Variants in GSG1L observed in about 807,000 individuals in gnomAD.
GSG1L encodes the protein germ cell-specific gene 1-like protein.
A neutral mutation model predicts 42.1 loss-of-function variants in GSG1L; 24 were observed. That is an observed-to-expected ratio of 0.57 (90% CI 0.41 to 0.80). The LOEUF (loss-of-function observed/expected upper bound fraction) is 0.80. Ranked by LOEUF, GSG1L falls within the 30% of genes least tolerant of loss-of-function variation. The pLI is 0.00. For synonymous variants in GSG1L, 215 were observed against 203.5 expected (o/e 1.06, Z -0.48); for missense variants, 445 against 472.2 (o/e 0.94, Z 0.53).
At chr16:27,941,769 A>G (rs1271023264) in intron 2 of GSG1L, among the ~76,000 whole-genome samples, 1 of 152,164 alleles carries the variant, frequency 6.6e-6, no homozygotes, top group Admixed American at 6.5e-5. Flanking sequence ...ATGGCATATT[A>G]GCCTTAGGAA....
In GSG1L at chr16:27,973,439, C is replaced by CAAA. The variant is rs71140935; in HGVS notation, c.350-10239_350-10237dup. Among the ~76,000 whole-genome samples, 126 of 29,848 alleles carry CAAA rather than the reference C, an allele frequency of 4.2e-3. 11 individuals are homozygous for CAAA. Among genetic ancestry groups the CAAA allele is most frequent in the African/African-American group, 7.8e-3 (64 of 8,222 alleles). 19.6% of individuals were successfully genotyped at this position (29,848 alleles called of 152,430 possible). A position where few individuals can be genotyped will look rare whatever the true frequency, so the allele number is the denominator to read the frequency against. ...AGCCTGGGCAATAAAGACCCCATCA[C>CAAA]AAAAAAAAAAAAAAAAAAAAAAAAA... On this transcript the variant is annotated intron_variant, in intron 1 of 6. Transcript: ENST00000447459.
intron 4 of GSG1L, among the ~76,000 whole-genome samples, chr16:27,833,228 C>A (rs558795490): frequency 6.6e-6 from 1 of 152,268 alleles, no homozygotes; most frequent in Non-Finnish European, 1.5e-5. Flanking sequence ...TCCCTGCCTG[C>A]CCCACCCCTG....
chr16:27,862,694 G>T (rs2083669026), intron 3 of GSG1L, among the ~76,000 whole-genome samples: 1 of 152,102 alleles, frequency 6.6e-6, no homozygotes, highest in Admixed American at 6.5e-5. Context: ...CCATGCATTT[G>T]GTCTTGACAC....
chr16:27,844,311 C>T (rs991366594), intron 4 of GSG1L, among the ~76,000 whole-genome samples: 1 of 152,288 alleles, frequency 6.6e-6, no homozygotes, highest in South Asian at 2.1e-4. Context: ...CTTTCATATG[C>T]AAACCCTGCT....
intron 1 of GSG1L, among the ~76,000 whole-genome samples, chr16:28,037,767 G>A (rs573730739): frequency 7.9e-5 from 12 of 152,276 alleles, no homozygotes; most frequent in Admixed American, 2.0e-4. Context: ...CTCACATGTT[G>A]CTGGACTCAC....
chr16:27,835,297 C>T (rs2083311630), intron 4 of GSG1L, among the ~76,000 whole-genome samples: 1 of 152,076 alleles, frequency 6.6e-6, no homozygotes, highest in Non-Finnish European at 1.5e-5. Context: ...TCTACTTTAT[C>T]TAATATTAAT....
At chr16:27,876,097 T>C (rs571688497) in intron 3 of GSG1L, among the ~76,000 whole-genome samples, 1 of 152,252 alleles carries the variant, frequency 6.6e-6, no homozygotes, top group African/African-American at 2.4e-5. Context: ...AATATGTAAA[T>C]ATTCATCTTT....
At chr16:28,046,116 T>C (rs1195070547) in intron 1 of GSG1L, among the ~76,000 whole-genome samples, 2 of 152,172 alleles carry the variant, frequency 1.3e-5, no homozygotes, top group Non-Finnish European at 2.9e-5. Flanking sequence ...ATATTAATAA[T>C]GTTGTCCATA....
At chr16:27,807,083 A>G (rs2082972535) in intron 6 of GSG1L, among the ~76,000 whole-genome samples, 1 of 152,280 alleles carries the variant, frequency 6.6e-6, no homozygotes, top group East Asian at 1.9e-4. Context: ...AAAGTGTTTG[A>G]AGTGAATGCA....
intron 2 of GSG1L, 45 bp downstream of exon 2, chr16:27,963,111 C>G: frequency 6.4e-7 from 1 of 1,553,510 alleles, no homozygotes; most frequent in South Asian, 1.1e-5. Context: ...AAAGATGTCC[C>G]CAGAGAGAGC....
intron 1 of GSG1L, among the ~76,000 whole-genome samples, chr16:27,999,479 T>C (rs1025874788): frequency 2.0e-5 from 3 of 152,158 alleles, no homozygotes; most frequent in Non-Finnish European, 4.4e-5. Context: ...TAATACATAA[T>C]CCAAAATACG....
At chr16:28,036,028 G>T (rs1484308548) in intron 1 of GSG1L, among the ~76,000 whole-genome samples, 5 of 152,050 alleles carry the variant, frequency 3.3e-5, no homozygotes, top group African/African-American at 1.2e-4. Flanking sequence ...GGTTTAGGAG[G>T]GGAAAAAACA....
At chr16:27,991,839 C>T (rs2085460241) in intron 1 of GSG1L, among the ~76,000 whole-genome samples, 1 of 152,162 alleles carries the variant, frequency 6.6e-6, no homozygotes, top group Admixed American at 6.5e-5. Flanking sequence ...CTTTGGAATC[C>T]TACTGGGCCC....
intron 1 of GSG1L, among the ~76,000 whole-genome samples, chr16:27,999,182 C>T (rs962612050): frequency 6.6e-6 from 1 of 152,204 alleles, no homozygotes; most frequent in Non-Finnish European, 1.5e-5. Context: ...GTGGCTCACA[C>T]GTGTAATCCC....
At chr16:27,840,398 C>A (rs543852957) in intron 4 of GSG1L, among the ~76,000 whole-genome samples, 2 of 152,184 alleles carry the variant, frequency 1.3e-5, no homozygotes, top group East Asian at 1.9e-4. Flanking sequence ...TCGGCCCCAA[C>A]CTTAATCTGA....
intron 2 of GSG1L, among the ~76,000 whole-genome samples, chr16:27,955,068 C>T (rs1304313794): frequency 1.3e-5 from 2 of 152,118 alleles, no homozygotes; most frequent in African/African-American, 4.8e-5. Context: ...AGTAAGTTCG[C>T]ACCTCACTGT....
chr16:27,907,905 C>T (rs1277136040), intron 2 of GSG1L, among the ~76,000 whole-genome samples: 1 of 152,240 alleles, frequency 6.6e-6, no homozygotes, highest in Admixed American at 6.5e-5. Context: ...CCATGCTCCA[C>T]AAACTTGTCC....
At position 27,828,908 on chromosome 16, in the gene GSG1L, C is replaced by T. The variant is rs144726696; in HGVS notation, c.711G>A (p.Thr237=). The stretch of plus-strand genomic sequence containing the variant: ...TGACCGTCTTGGTGTAGGAGTTGAG[C>T]GTGGTGACAGAGGCTGCCATGCAGC... ...FTCCMAASVT[T]LNSYTKTVIE... is the part of the protein sequence containing the mutation. The change falls in exon 5 of 7, where the codon ACG becomes ACA. Residue 237 remains threonine, a synonymous_variant. Transcript: ENST00000447459. 1.2e-5 allele frequency: 20 copies of T among 1,614,194 alleles called. No homozygotes were observed. Among genetic ancestry groups the T allele is most frequent in the African/African-American group, 2.7e-5 (2 of 75,048 alleles).
chr16:27,930,879 A>G (rs1416379057), intron 2 of GSG1L, among the ~76,000 whole-genome samples: 1 of 151,982 alleles, frequency 6.6e-6, no homozygotes, highest in Non-Finnish European at 1.5e-5. Flanking sequence ...CATGCACCAC[A>G]TGCCTGGCTA....
Sources: allele counts gnomAD v4.1 joint callset (sites outside exome capture counted in the v4.1 genomes callset), GRCh38; gene constraint gnomAD v4.1.1; transcripts MANE v1.5; gene names NCBI Gene and HGNC (gene_info 2026-07-23, HGNC 2026-07-21).